ST18: variants seen among roughly 807,000 people sequenced by gnomAD.
ST18 encodes the protein ST18 C2H2C-type zinc finger transcription factor.
Under a neutral mutation model 110.0 loss-of-function variants are expected in ST18, and 50 were observed. The observed-to-expected ratio is 0.45, with a 90% CI of 0.36 to 0.58. ST18 has a LOEUF of 0.58. Ranked by LOEUF, ST18 falls within the 20% of genes least tolerant of loss-of-function variation. The pLI, the probability that ST18 is intolerant of heterozygous loss-of-function variation, is 0.00. For synonymous variants in ST18, 461 were observed against 452.4 expected, an observed-to-expected ratio of 1.02 and a Z score of -0.24; for missense variants, 1,306 against 1,280.1, an observed-to-expected ratio of 1.02 and a Z score of -0.31.
At chr8:52,381,974 CAA>C (rs869193937) in intron 2 of ST18, among the ~76,000 whole-genome samples, 1 of 49,428 alleles carries the variant, frequency 2.0e-5, no homozygotes, top group Middle Eastern at 0.015. Flanking sequence ...CATTAAAAAA[CAA>C]AAAAAAACAA....
intron 16 of ST18, among the ~76,000 whole-genome samples, chr8:52,145,052 C>G (rs1586879216): frequency 7.0e-6 from 1 of 142,468 alleles, no homozygotes. Flanking sequence ...TGTTTAGATG[C>G]TGATTTTTTT....
At chr8:52,374,816 G>T (rs961122627) in intron 2 of ST18, among the ~76,000 whole-genome samples, 1 of 152,118 alleles carries the variant, frequency 6.6e-6, no homozygotes, top group Non-Finnish European at 1.5e-5. Flanking sequence ...AGTTTGCTGA[G>T]GATAATGATT....
intron 8 of ST18, among the ~76,000 whole-genome samples, chr8:52,190,288 C>G (rs1475585664): frequency 6.6e-6 from 1 of 152,098 alleles, no homozygotes; most frequent in African/African-American, 2.4e-5. Flanking sequence ...GCAAATATTC[C>G]AAATTCTGAA....
intron 2 of ST18, among the ~76,000 whole-genome samples, chr8:52,316,674 A>T (rs946162756): frequency 6.6e-5 from 10 of 152,160 alleles, no homozygotes; most frequent in African/African-American, 2.4e-4. Flanking sequence ...AGTCACTATC[A>T]CCTATGTATA....
At chr8:52,131,887 C>A in intron 22 of ST18, 71 bp downstream of exon 22, 1 of 1,495,086 alleles carries the variant, frequency 6.7e-7, no homozygotes, top group Non-Finnish European at 9.2e-7. Flanking sequence ...TGTTCACAAC[C>A]CTCTCCCCAA....
chr8:52,230,226 A>G (rs1379681583), intron 2 of ST18, 149 bp from the exon 3 acceptor site: 2 of 152,356 alleles, frequency 1.3e-5, no homozygotes, highest in East Asian at 3.9e-4. Context: ...TTGAAGTATT[A>G]CCAATCTTCA....
Position 52,244,965 on chromosome 8 carries a change from C to G in ST18, c.-464-14888G>C, listed in dbSNP as rs140645431. ...CTCCGTAGATAATAGGTTGTATACT[C>G]TAATTTTTGCCCCTTTCTAGAGTAG... On this transcript the variant is annotated intron_variant, in intron 2 of 25. Coordinates refer to ENST00000689386, the MANE Select transcript of ST18 (RefSeq NM_001352837.2). Among the ~76,000 whole-genome samples, 23 of 152,246 alleles carry G rather than the reference C, an allele frequency of 1.5e-4. No individual in the cohort carries two copies. In the East Asian group the frequency reaches 4.1e-3, roughly 27 times the overall value.
intron 8 of ST18, among the ~76,000 whole-genome samples, chr8:52,190,525 A>G (rs980753310): frequency 6.6e-6 from 1 of 152,140 alleles, no homozygotes; most frequent in African/African-American, 2.4e-5. Flanking sequence ...CCAAAATATG[A>G]GATCTTTGCT....
intron 2 of ST18, among the ~76,000 whole-genome samples, chr8:52,369,239 C>T (rs546268413): frequency 3.5e-4 from 53 of 152,266 alleles, no homozygotes; most frequent in African/African-American, 1.1e-3. Context: ...TAAATTTTAA[C>T]CAGGCAAATG....
intron 2 of ST18, among the ~76,000 whole-genome samples, chr8:52,401,940 T>C (rs1163937012): frequency 2.0e-5 from 3 of 152,204 alleles, no homozygotes; most frequent in South Asian, 4.1e-4. Flanking sequence ...AGGGCTTTCA[T>C]AGGGAAAGAC....
intron 24 of ST18, among the ~76,000 whole-genome samples, chr8:52,117,606 C>T (rs2043011750): frequency 6.6e-6 from 1 of 152,088 alleles, no homozygotes; most frequent in South Asian, 2.1e-4. Context: ...GGTAAGGAAA[C>T]CTAAATTTCA....
intron 2 of ST18, among the ~76,000 whole-genome samples, chr8:52,280,514 AGTAAAAAGTT>A (rs2095356266): frequency 6.6e-6 from 1 of 152,116 alleles, no homozygotes. Context: ...AAAAGCCGAA[AGTAAAAAGTT>A]GTAAAATGTT....
At chr8:52,130,163 G>GAAAGAAAGAAAGAAAGAA (rs1554586162) in intron 22 of ST18, among the ~76,000 whole-genome samples, 36 of 144,236 alleles carry the variant, frequency 2.5e-4, no homozygotes, top group African/African-American at 9.2e-4. Context: ...AAGAAAGAAA[G>GAAAGAAAGAAAGAAAGAA]AAAAAGAAAA....
chr8:52,239,721 C>T (rs2093182506), intron 2 of ST18, among the ~76,000 whole-genome samples: 1 of 152,126 alleles, frequency 6.6e-6, no homozygotes, highest in African/African-American at 2.4e-5. Flanking sequence ...TTAGAGAAGC[C>T]AAAGTCTTCC....
intron 2 of ST18, among the ~76,000 whole-genome samples, chr8:52,253,755 A>G (rs2094427607): frequency 6.6e-6 from 1 of 152,126 alleles, no homozygotes; most frequent in African/African-American, 2.4e-5. Flanking sequence ...CTCATAAATT[A>G]TTTCTGCTTT....
intron 2 of ST18, among the ~76,000 whole-genome samples, chr8:52,401,086 C>G (rs187757254): frequency 1.9e-4 from 29 of 152,272 alleles, no homozygotes; most frequent in Non-Finnish European, 3.4e-4. Context: ...GTCAGCACTA[C>G]TAAGTGTAAT....
intron 14 of ST18, among the ~76,000 whole-genome samples, chr8:52,160,137 G>A (rs1227964906): frequency 6.6e-6 from 1 of 152,008 alleles, no homozygotes; most frequent in Non-Finnish European, 1.5e-5. Flanking sequence ...AACTAGCTTC[G>A]CTGGAATTAA....
chr8:52,402,556 G>A (rs13274256), intron 2 of ST18, among the ~76,000 whole-genome samples: 34,052 of 152,050 alleles, frequency 0.22, 4,083 homozygotes, highest in South Asian at 0.31. Flanking sequence ...GAGAGCAGGC[G>A]ACAGCTGCAA....
intron 6 of ST18, among the ~76,000 whole-genome samples, chr8:52,217,539 G>A (rs558794750): frequency 6.6e-6 from 1 of 152,162 alleles, no homozygotes; most frequent in East Asian, 1.9e-4. Flanking sequence ...CTGGGGAGAG[G>A]GGTGAATGCA....
Sources: allele counts gnomAD v4.1 joint callset (sites outside exome capture counted in the v4.1 genomes callset), GRCh38; gene constraint gnomAD v4.1.1; transcripts MANE v1.5; gene names NCBI Gene and HGNC (gene_info 2026-07-23, HGNC 2026-07-21).